The following SDK1 variants were observed in gnomAD, a reference collection of about 807,000 sequenced individuals.
The protein encoded by SDK1 is sidekick cell adhesion molecule 1.
Under a neutral mutation model 245.5 loss-of-function variants are expected in SDK1, and 157 were observed. The ratio of observed to expected loss-of-function variants is 0.64; its 90% CI spans 0.56 to 0.73. The LOEUF is 0.73. SDK1 is among the 30% of genes least tolerant of loss of function. SDK1 has a pLI of 0.00. For missense variants in SDK1, 3,583 were observed against 3,002.3 expected, an observed-to-expected ratio of 1.19 and a Z score of -4.52; for synonymous variants, 1,647 against 1,278.5, an observed-to-expected ratio of 1.29 and a Z score of -6.15.
chr7:3,695,204 C>T (rs1484943821), intron 4 of SDK1, among the ~76,000 whole-genome samples: 1 of 152,206 alleles, frequency 6.6e-6, no homozygotes, highest in Non-Finnish European at 1.5e-5. Flanking sequence ...AGGCGCCTCA[C>T]ACAGCAAATT....
chr7:3,749,995 C>T (rs1475390380), intron 4 of SDK1, among the ~76,000 whole-genome samples: 1 of 152,162 alleles, frequency 6.6e-6, no homozygotes, highest in Non-Finnish European at 1.5e-5. Flanking sequence ...TAATACAAAG[C>T]TCACATAGGC....
intron 4 of SDK1, among the ~76,000 whole-genome samples, chr7:3,716,916 A>G (rs1342702506): frequency 1.3e-5 from 2 of 152,176 alleles, no homozygotes; most frequent in Non-Finnish European, 2.9e-5. Context: ...AGAAGAACAA[A>G]TAAGTGGATA....
In SDK1 at chr7:3,971,530, G is replaced by C; in HGVS notation, c.1779G>C (p.Leu593=). The C allele has an allele frequency of 6.2e-7, 1 of 1,613,592 alleles. No individual in the cohort carries two copies. The highest frequency in any genetic ancestry group is 8.5e-7 in the Non-Finnish European group (1 of 1,179,720). ...HVVIKGTTAT[L]HCGATHDPRV... is the part of the protein sequence containing the mutation. ...TGATTAAGGGGACCACGGCCACGCT[G>C]CACTGTGGTGCCACACATGACCCCC... Residue 593 remains leucine (L), a synonymous_variant, in exon 12 of 45, where the codon CTG becomes CTC. Transcript: ENST00000404826.
intron 4 of SDK1, among the ~76,000 whole-genome samples, chr7:3,701,302 G>A (rs1784731747): frequency 6.6e-6 from 1 of 152,156 alleles, no homozygotes; most frequent in African/African-American, 2.4e-5. Context: ...TAAATTTGTG[G>A]CCAACATGCC....
chr7:3,418,535 A>AAT (rs1779444277), intron 1 of SDK1, among the ~76,000 whole-genome samples: 1 of 152,162 alleles, frequency 6.6e-6, no homozygotes, highest in Admixed American at 6.5e-5. Flanking sequence ...TAAAAAAAAA[A>AAT]GTATTCTTTA....
At chr7:3,488,840 C>G (rs1397706435) in intron 1 of SDK1, among the ~76,000 whole-genome samples, 1 of 152,038 alleles carries the variant, frequency 6.6e-6, no homozygotes, top group Non-Finnish European at 1.5e-5. Context: ...CTCAGGATGA[C>G]ACTCACATGA....
intron 38 of SDK1, among the ~76,000 whole-genome samples, chr7:4,210,890 G>A (rs1191438873): frequency 6.6e-6 from 1 of 152,204 alleles, no homozygotes; most frequent in Admixed American, 6.5e-5. Flanking sequence ...GCTAACACAA[G>A]AGGCTTAGGG....
intron 5 of SDK1, among the ~76,000 whole-genome samples, chr7:3,843,342 G>A (rs146920698): frequency 1.8e-4 from 28 of 152,270 alleles, no homozygotes; most frequent in South Asian, 6.2e-4. Flanking sequence ...TCCTGGCTTC[G>A]GATTCTCTAT....
intron 17 of SDK1, among the ~76,000 whole-genome samples, chr7:4,048,090 T>G (rs1187905519): frequency 6.6e-6 from 1 of 152,170 alleles, no homozygotes; most frequent in Non-Finnish European, 1.5e-5. Context: ...CATCTCTGCC[T>G]GAGACGGGCT....
chr7:3,676,272 T>C (rs2116621), intron 4 of SDK1, among the ~76,000 whole-genome samples: 111,030 of 151,044 alleles, frequency 0.74, 42,034 homozygotes, highest in African/African-American at 0.94. Context: ...TCCTGCCTTG[T>C]CCTCCGAAAG....
chr7:3,581,299 C>T (rs1171199888), intron 1 of SDK1, among the ~76,000 whole-genome samples: 1 of 152,066 alleles, frequency 6.6e-6, no homozygotes, highest in Non-Finnish European at 1.5e-5. Context: ...GTGCTATGAA[C>T]TAAACAGATG....
chr7:3,642,754 G>C (rs1411044621), intron 4 of SDK1: 2 of 152,164 alleles, frequency 1.3e-5, no homozygotes, highest in East Asian at 1.9e-4. Flanking sequence ...TGATTAAAAA[G>C]AACACTTGGT....
intron 35 of SDK1, among the ~76,000 whole-genome samples, chr7:4,184,444 G>T (rs1468555862): frequency 1.4e-5 from 2 of 143,674 alleles, no homozygotes; most frequent in Admixed American, 1.4e-4. Context: ...TAAGGCACCA[G>T]TCCTGCTCAT....
At chr7:3,498,976 T>G (rs2128607459) in intron 1 of SDK1, among the ~76,000 whole-genome samples, 1 of 152,318 alleles carries the variant, frequency 6.6e-6, no homozygotes, top group Non-Finnish European at 1.5e-5. Flanking sequence ...TTTTATTGGT[T>G]GATTGGTAAG....
chr7:4,078,355 A>C (rs147812490), intron 21 of SDK1, among the ~76,000 whole-genome samples: 1 of 152,228 alleles, frequency 6.6e-6, no homozygotes, highest in African/African-American at 2.4e-5. Context: ...CCATTTAAAA[A>C]TCCAGAGAGC....
intron 1 of SDK1, chr7:3,338,428 G>C: frequency 1.9e-6 from 1 of 526,984 alleles, no homozygotes; most frequent in South Asian, 1.6e-5. Context: ...TAAGAGCCAA[G>C]ATAGCTTCCT....
intron 14 of SDK1, among the ~76,000 whole-genome samples, chr7:3,994,858 C>T (rs529285126): frequency 2.6e-5 from 4 of 152,126 alleles, no homozygotes; most frequent in Non-Finnish European, 5.9e-5. Context: ...ATCCATCCTC[C>T]CTTGAGCCAC....
At position 3,527,359 on chromosome 7, in the gene SDK1, C is replaced by T. The variant is rs151130077; in HGVS notation, c.299-91721C>T. Among the ~76,000 whole-genome samples the T allele has an allele frequency of 7.5e-3, 1,148 of 152,148 alleles. 12 individuals are homozygous for T. Among genetic ancestry groups the T allele is most frequent in the Non-Finnish European group, 0.013 (870 of 68,014 alleles). ...TGAAGAACACGAAGCGCGATGTGAA[C>T]GTGGAGATGAAGGCATGTGCTGTGG... On this transcript the variant is annotated intron_variant, in intron 1 of 44. Coordinates refer to ENST00000404826, the MANE Select transcript of SDK1 (RefSeq NM_152744.4).
At chr7:3,942,380 A>G (rs1197518742) in intron 5 of SDK1, among the ~76,000 whole-genome samples, 1 of 152,222 alleles carries the variant, frequency 6.6e-6, no homozygotes, top group Non-Finnish European at 1.5e-5. Context: ...GGGGTCCCCA[A>G]GGCAGCAGCT....
Sources: gnomAD v4.1 joint callset for allele counts (sites outside exome capture counted in the v4.1 genomes callset) on GRCh38, gnomAD v4.1.1 for gene constraint, MANE v1.5 for transcripts, NCBI Gene and HGNC (gene_info 2026-07-23, HGNC 2026-07-21) for gene names.